The following USH2A variants were observed in gnomAD, a reference collection of about 807,000 sequenced individuals.
USH2A encodes usherin.
USH2A carries 443 observed loss-of-function variants against 538.9 expected under a neutral mutation model. The ratio of observed to expected loss-of-function variants is 0.82; its 90% CI spans 0.76 to 0.89. The LOEUF (loss-of-function observed/expected upper bound fraction) is 0.89, where lower values mean the gene tolerates loss of function less well. Ranked by LOEUF, USH2A falls within the 40% of genes least tolerant of loss-of-function variation. The pLI is 0.00. For synonymous variants in USH2A, 2,413 were observed against 2,273.5 expected, an observed-to-expected ratio of 1.06 and a Z score of -1.75; for missense variants, 6,633 against 6,324.8, an observed-to-expected ratio of 1.05 and a Z score of -1.65.
intron 15 of USH2A, among the ~76,000 whole-genome samples, chr1:216,216,897 T>A (rs1160789483): frequency 3.3e-5 from 5 of 151,982 alleles, no homozygotes; most frequent in African/African-American, 1.2e-4. Flanking sequence ...TATTACAATA[T>A]CGATAAACAA....
intron 4 of USH2A, among the ~76,000 whole-genome samples, chr1:216,339,368 T>A (rs1392878725): frequency 6.6e-6 from 1 of 151,662 alleles, no homozygotes; most frequent in Non-Finnish European, 1.5e-5. Flanking sequence ...TTGAACTATT[T>A]GAAATAGCCA....
chr1:216,287,098 C>T (rs1405665342), intron 11 of USH2A, among the ~76,000 whole-genome samples: 1 of 152,114 alleles, frequency 6.6e-6, no homozygotes, highest in African/African-American at 2.4e-5. Context: ...CACACAAAGA[C>T]ACACACAAAG....
intron 4 of USH2A, among the ~76,000 whole-genome samples, chr1:216,329,565 A>G (rs1399969134): frequency 6.6e-6 from 1 of 152,032 alleles, no homozygotes; most frequent in South Asian, 2.1e-4. Flanking sequence ...ACCTTCAACT[A>G]TCCCTAACCA....
At chr1:216,016,732 T>A (rs1668721217) in intron 32 of USH2A, among the ~76,000 whole-genome samples, 2 of 152,122 alleles carry the variant, frequency 1.3e-5, no homozygotes, top group South Asian at 4.1e-4. Flanking sequence ...AGTAAAACCT[T>A]TCTGCAATAA....
intron 27 of USH2A, among the ~76,000 whole-genome samples, chr1:216,077,814 TTAA>T (rs898023491): frequency 3.3e-5 from 5 of 150,922 alleles, no homozygotes; most frequent in African/African-American, 4.9e-5. Flanking sequence ...ATATGTCACA[TTAA>T]TAATAATATG....
rs780581599 is a variant in USH2A, at chr1:216,394,720, C to CTTTTTTTT, written c.651+23786_651+23793dup. The stretch of plus-strand genomic sequence containing the variant: ...CTTAAGGCCTAATAACTGGTCCAGT[C>CTTTTTTTT]TTTTTTTTTTTTTTTTGAGACAGAG... On this transcript the variant is annotated intron_variant, in intron 3 of 71. Transcript: ENST00000307340. Among the ~76,000 whole-genome samples the CTTTTTTTT allele has an allele frequency of 1.1e-3, 137 of 120,314 alleles. 21 individuals carry two copies. The highest frequency in any genetic ancestry group is 1.2e-3 in the Non-Finnish European group (71 of 59,632). The allele number at this position is 120,314 out of a possible 152,430, so 78.9% of individuals were successfully genotyped here. A position where few individuals can be genotyped will look rare whatever the true frequency, so the allele number is the denominator to read the frequency against.
At chr1:215,643,252 C>A (rs2102638484) in intron 67 of USH2A, among the ~76,000 whole-genome samples, 1 of 152,310 alleles carries the variant, frequency 6.6e-6, no homozygotes, top group Admixed American at 6.5e-5. Flanking sequence ...CCCACCTCTG[C>A]CTCCCAAAGT....
chr1:216,121,208 C>G (rs998343976), intron 21 of USH2A, among the ~76,000 whole-genome samples: 16 of 136,104 alleles, frequency 1.2e-4, no homozygotes, highest in African/African-American at 3.5e-4. Context: ...AAAATTGTTT[C>G]CAATGTAAGA....
chr1:215,720,930 T>C (rs1659639126), intron 61 of USH2A, among the ~76,000 whole-genome samples: 1 of 152,168 alleles, frequency 6.6e-6, no homozygotes, highest in African/African-American at 2.4e-5. Context: ...CCTTTTTGTC[T>C]AATTCTTTCT....
At chr1:215,915,535 T>A (rs1336122161) in intron 38 of USH2A, among the ~76,000 whole-genome samples, 1 of 152,102 alleles carries the variant, frequency 6.6e-6, no homozygotes, top group Non-Finnish European at 1.5e-5. Flanking sequence ...GTAACTTTTT[T>A]CTCTTTTACT....
At chr1:215,915,646 A>G (rs1195932304) in intron 38 of USH2A, among the ~76,000 whole-genome samples, 2 of 152,100 alleles carry the variant, frequency 1.3e-5, no homozygotes, top group Non-Finnish European at 2.9e-5. Flanking sequence ...TCAGGGATCT[A>G]GAACTAGAAA....
chr1:216,298,536 T>C (rs2037149989), intron 9 of USH2A, among the ~76,000 whole-genome samples: 1 of 152,212 alleles, frequency 6.6e-6, no homozygotes, highest in South Asian at 2.1e-4. Context: ...CCCAATGGAA[T>C]GGTTCTGGTC....
rs76486755 is a variant in USH2A, at chr1:216,391,533, C to T, written c.652-26448G>A. On this transcript the variant is annotated intron_variant, in intron 3 of 71. Transcript: ENST00000307340. ...TAGTATAAGAGTTTCTGTTGCATTG[C>T]GCTTAACCCCACTTCTTCACTTTGC... Among the ~76,000 whole-genome samples the T allele has an allele frequency of 5.7e-3, 871 of 152,274 alleles. 2 individuals carry two copies. Among genetic ancestry groups the T allele is most frequent in the Non-Finnish European group, 9.2e-3 (628 of 68,016 alleles).
intron 37 of USH2A, among the ~76,000 whole-genome samples, chr1:215,959,038 G>A (rs777785506): frequency 6.6e-6 from 1 of 151,832 alleles, no homozygotes; most frequent in Non-Finnish European, 1.5e-5. Flanking sequence ...CTCACCACCC[G>A]GATCTCCTCC....
At chr1:215,640,843 A>C (rs2995518) in intron 67 of USH2A, 109 bp from the exon 68 acceptor site, 2 of 734,494 alleles carry the variant, frequency 2.7e-6, no homozygotes, top group East Asian at 3.5e-5. Flanking sequence ...ACCAATCCAA[A>C]CAAAAAAAAA....
In USH2A at chr1:215,729,975, C is replaced by T. The variant is rs564491155; in HGVS notation, c.11712-1591G>A. Among the ~76,000 whole-genome samples, 19 of 152,246 alleles carry T rather than the reference C, an allele frequency of 1.2e-4. No individual in the cohort carries two copies. The South Asian group carries it at 3.7e-3, about 30-fold the overall frequency. ...GTCAAATTCCTTTTAGATGTCTTCC[C>T]CAAAACCTGGTAAAATGCAGAGTAT... On this transcript the variant is annotated intron_variant, in intron 60 of 71. Coordinates refer to ENST00000307340, the MANE Select transcript of USH2A (RefSeq NM_206933.4).
intron 21 of USH2A, among the ~76,000 whole-genome samples, chr1:216,111,795 G>A (rs1272141391): frequency 2.0e-5 from 3 of 150,676 alleles, no homozygotes; most frequent in Non-Finnish European, 4.4e-5. Context: ...TATTAGCTAG[G>A]TATTTTCTTA....
At chr1:216,104,410 G>T (rs974353597) in intron 21 of USH2A, among the ~76,000 whole-genome samples, 6 of 152,074 alleles carry the variant, frequency 3.9e-5, no homozygotes, top group Admixed American at 3.9e-4. Flanking sequence ...CATTTTTTAT[G>T]GCTGCATAGT....
intron 10 of USH2A, among the ~76,000 whole-genome samples, chr1:216,291,915 TA>T (rs1177655089): frequency 1.3e-5 from 2 of 152,078 alleles, no homozygotes; most frequent in Non-Finnish European, 2.9e-5. Flanking sequence ...GTGAACTCTT[TA>T]AAAAACAAAA....
Sources: gnomAD v4.1 joint callset for allele counts (sites outside exome capture counted in the v4.1 genomes callset) on GRCh38, gnomAD v4.1.1 for gene constraint, MANE v1.5 for transcripts, NCBI Gene and HGNC (gene_info 2026-07-23, HGNC 2026-07-21) for gene names.